Variants in CHST8 observed in about 807,000 individuals in gnomAD.
CHST8 encodes the protein GALNAC-4-ST1.
A neutral mutation model predicts 15.0 loss-of-function variants in CHST8; 10 were observed. That is an observed-to-expected ratio of 0.67 (90% confidence interval 0.41 to 1.13). The LOEUF is 1.13. Among genes scored for constraint, CHST8 ranks in the 50% most tolerant of loss-of-function variants. The pLI, the probability that CHST8 is intolerant of heterozygous loss-of-function variation, is 0.00. For synonymous variants in CHST8, 259 were observed against 256.6 expected, an observed-to-expected ratio of 1.01 and a Z score of -0.09; for missense variants, 634 against 608.2, an observed-to-expected ratio of 1.04 and a Z score of -0.45.
intron 1 of CHST8, among the ~76,000 whole-genome samples, chr19:33,656,781 C>G (rs890326284): frequency 1.3e-5 from 2 of 152,116 alleles, no homozygotes; most frequent in Admixed American, 6.5e-5. Flanking sequence ...TCAAGTGACC[C>G]TCCTGCCTTG....
chr19:33,687,600 G>A (rs556205121), intron 2 of CHST8, among the ~76,000 whole-genome samples: 4 of 152,290 alleles, frequency 2.6e-5, no homozygotes, highest in East Asian at 1.9e-4. Context: ...GTGCCTTCCC[G>A]GTGCGGAGAG....
intron 3 of CHST8, among the ~76,000 whole-genome samples, chr19:33,767,630 A>T (rs1002125891): frequency 1.1e-4 from 17 of 152,228 alleles, no homozygotes; most frequent in African/African-American, 3.9e-4. Context: ...TCTGTCCAGA[A>T]AGAGAAAGTG....
intron 3 of CHST8, among the ~76,000 whole-genome samples, chr19:33,757,111 T>C (rs1018661302): frequency 6.6e-6 from 1 of 152,014 alleles, no homozygotes; most frequent in African/African-American, 2.4e-5. Flanking sequence ...CCATTCAGGA[T>C]GGGCGCAGTG....
At chr19:33,731,201 G>C (rs1973986682) in intron 3 of CHST8, among the ~76,000 whole-genome samples, 1 of 152,170 alleles carries the variant, frequency 6.6e-6, no homozygotes, top group African/African-American at 2.4e-5. Flanking sequence ...GAAAGTAAAG[G>C]AATAGAGAAT....
intron 3 of CHST8, among the ~76,000 whole-genome samples, chr19:33,728,772 C>T (rs1973946264): frequency 6.6e-6 from 1 of 152,162 alleles, no homozygotes; most frequent in Admixed American, 6.5e-5. Flanking sequence ...GCAGACCCCA[C>T]TTCTTCGAGC....
intron 3 of CHST8, among the ~76,000 whole-genome samples, chr19:33,740,730 T>G (rs1289360086): frequency 1.3e-5 from 2 of 152,176 alleles, no homozygotes; most frequent in African/African-American, 4.8e-5. Flanking sequence ...GATTAGTTAT[T>G]TATCTTTCCA....
At chr19:33,717,997 C>T (rs1274420607) in intron 3 of CHST8, among the ~76,000 whole-genome samples, 3 of 152,140 alleles carry the variant, frequency 2.0e-5, no homozygotes, top group Non-Finnish European at 4.4e-5. Context: ...AGTCTCCATC[C>T]TGGCAGAAGA....
At chr19:33,670,993 C>A (rs10420186) in intron 2 of CHST8, among the ~76,000 whole-genome samples, 49,439 of 152,026 alleles carry the variant, frequency 0.33, 9,651 homozygotes, top group African/African-American at 0.53. Flanking sequence ...GTCTGGACCC[C>A]GGCATCCTGG....
intron 3 of CHST8, among the ~76,000 whole-genome samples, chr19:33,767,561 T>C (rs903413536): frequency 1.3e-5 from 2 of 152,242 alleles, no homozygotes; most frequent in South Asian, 2.1e-4. Context: ...TCACGCCTTG[T>C]TTATTCTCAC....
At chr19:33,755,257 G>A (rs535155719) in intron 3 of CHST8, among the ~76,000 whole-genome samples, 27 of 152,118 alleles carry the variant, frequency 1.8e-4, no homozygotes, top group African/African-American at 6.3e-4. Context: ...TGCTCACCCC[G>A]CCCCATACTC....
chr19:33,722,448 C>T (rs755694808), intron 3 of CHST8, among the ~76,000 whole-genome samples: 2 of 152,118 alleles, frequency 1.3e-5, no homozygotes, highest in Non-Finnish European at 2.9e-5. Flanking sequence ...TAGACTGAAC[C>T]GTAGCCCCTC....
intron 3 of CHST8, among the ~76,000 whole-genome samples, chr19:33,720,340 A>G (rs1319533635): frequency 6.6e-6 from 1 of 151,664 alleles, no homozygotes; most frequent in Admixed American, 6.6e-5. Flanking sequence ...CACACCACAC[A>G]TACATACACA....
At chr19:33,657,049 C>T (rs1341114880) in intron 1 of CHST8, among the ~76,000 whole-genome samples, 7 of 151,684 alleles carry the variant, frequency 4.6e-5, no homozygotes, top group Non-Finnish European at 1.0e-4. Flanking sequence ...TCCATTACTG[C>T]GCTGAGACCT....
At chr19:33,625,848 C>T (rs1006825562) in intron 1 of CHST8, among the ~76,000 whole-genome samples, 5 of 152,116 alleles carry the variant, frequency 3.3e-5, no homozygotes, top group African/African-American at 9.7e-5. Context: ...GGCGACAAAG[C>T]GAGACTGTCT....
At chr19:33,724,714 C>G (rs1468872108) in intron 3 of CHST8, among the ~76,000 whole-genome samples, 1 of 152,204 alleles carries the variant, frequency 6.6e-6, no homozygotes, top group Non-Finnish European at 1.5e-5. Flanking sequence ...CCCTTTTCTC[C>G]CCATCCTAGC....
At chr19:33,685,899 C>T (rs1366847053) in intron 2 of CHST8, among the ~76,000 whole-genome samples, 1 of 152,182 alleles carries the variant, frequency 6.6e-6, no homozygotes, top group Non-Finnish European at 1.5e-5. Flanking sequence ...CCTCCCTTCC[C>T]ACACCTTAGG....
intron 1 of CHST8, among the ~76,000 whole-genome samples, chr19:33,642,426 G>A (rs1281116299): frequency 6.6e-6 from 1 of 151,926 alleles, no homozygotes; most frequent in Non-Finnish European, 1.5e-5. Flanking sequence ...GCAGTGGCAC[G>A]ATCTCGGCTC....
At chr19:33,740,986 T>C (rs1005182836) in intron 3 of CHST8, among the ~76,000 whole-genome samples, 1 of 152,208 alleles carries the variant, frequency 6.6e-6, no homozygotes, top group Admixed American at 6.5e-5. Context: ...CGGGGTATCA[T>C]TGGGAGCTGT....
chr19:33,690,950 G>T (rs558488734), intron 3 of CHST8, among the ~76,000 whole-genome samples: 7 of 152,370 alleles, frequency 4.6e-5, no homozygotes, highest in African/African-American at 1.7e-4. Flanking sequence ...GGTGCATGTA[G>T]GCAGAGGGTC....
Sources: gnomAD v4.1 joint callset for allele counts (sites outside exome capture counted in the v4.1 genomes callset) on GRCh38, gnomAD v4.1.1 for gene constraint, MANE v1.5 for transcripts, NCBI Gene and HGNC (gene_info 2026-07-23, HGNC 2026-07-21) for gene names.